The following OPCML variants were observed in gnomAD, a reference collection of about 807,000 sequenced individuals.
OPCML encodes opioid-binding protein/cell adhesion molecule.
OPCML carries 13 observed loss-of-function variants against 37.8 expected under a neutral mutation model. The observed-to-expected ratio is 0.34, with a 90% CI of 0.22 to 0.55. The LOEUF (loss-of-function observed/expected upper bound fraction) is 0.55. OPCML is among the 20% of genes least tolerant of loss of function. OPCML has a pLI of 0.91. For missense variants in OPCML, 341 were observed against 435.6 expected (o/e 0.78, Z 1.93); for synonymous variants, 176 against 168.8 (o/e 1.04, Z -0.33).
intron 1 of OPCML, among the ~76,000 whole-genome samples, chr11:133,078,816 T>C (rs572967761): frequency 7.2e-5 from 11 of 152,278 alleles, no homozygotes; most frequent in African/African-American, 2.6e-4. Context: ...ACTTAAGACG[T>C]AAACCCAGAA....
At chr11:132,803,838 C>T (rs76397896) in intron 2 of OPCML, among the ~76,000 whole-genome samples, 2,427 of 152,234 alleles carry the variant, frequency 0.016, 28 homozygotes, top group Middle Eastern at 0.031. Flanking sequence ...AATTAGAGTG[C>T]TGTTGTAAGA....
At chr11:133,378,945 G>A (rs190610143) in intron 1 of OPCML, among the ~76,000 whole-genome samples, 10 of 151,868 alleles carry the variant, frequency 6.6e-5, no homozygotes, top group East Asian at 1.9e-4. Context: ...TTGTAGAGAC[G>A]GGGTTCTCAC....
intron 3 of OPCML, among the ~76,000 whole-genome samples, chr11:132,542,032 C>T (rs1419420086): frequency 6.6e-6 from 1 of 152,192 alleles, no homozygotes; most frequent in Non-Finnish European, 1.5e-5. Flanking sequence ...TCATTCTCTG[C>T]TTTAATTCCT....
intron 2 of OPCML, among the ~76,000 whole-genome samples, chr11:132,705,438 A>T (rs1943994850): frequency 6.6e-6 from 1 of 151,814 alleles, no homozygotes. Flanking sequence ...AAAAAAAATA[A>T]CAAATTCAGC....
chr11:133,496,356 T>C lies in OPCML; in HGVS notation c.61+35908A>G, dbSNP rs1296027188. Among the ~76,000 whole-genome samples, 5 of 152,358 alleles carry C rather than the reference T, an allele frequency of 3.3e-5. No homozygotes were observed. The East Asian group carries it at 5.8e-4, about 18-fold the overall frequency. On this transcript the variant is annotated intron_variant, in intron 1 of 7. Transcript: ENST00000524381. ...TGTGACGCCTCCAGATTTGTCCTTC[T>C]TGCTTAATCTTGCTTTGGCTATGCA...
chr11:133,258,269 G>A (rs571559040), intron 1 of OPCML, among the ~76,000 whole-genome samples: 1 of 152,158 alleles, frequency 6.6e-6, no homozygotes, highest in Non-Finnish European at 1.5e-5. Context: ...AGTATAGAGT[G>A]GCAAAGATCT....
intron 1 of OPCML, among the ~76,000 whole-genome samples, chr11:133,106,845 C>T (rs1013376934): frequency 6.6e-6 from 1 of 152,202 alleles, no homozygotes; most frequent in African/African-American, 2.4e-5. Flanking sequence ...TCATTCCCCT[C>T]GCCTTGTACC....
chr11:133,103,816 G>A (rs1949119988), intron 1 of OPCML, among the ~76,000 whole-genome samples: 1 of 152,164 alleles, frequency 6.6e-6, no homozygotes, highest in African/African-American at 2.4e-5. Flanking sequence ...TTCAATCGAG[G>A]TAGTTGGGAA....
At chr11:133,514,091 G>A (rs1236098262) in intron 1 of OPCML, among the ~76,000 whole-genome samples, 1 of 152,140 alleles carries the variant, frequency 6.6e-6, no homozygotes, top group African/African-American at 2.4e-5. Flanking sequence ...GTCACGAAAC[G>A]AAAACAAAGA....
chr11:133,114,749 G>A lies in OPCML; in HGVS notation c.62-171739C>T, dbSNP rs577573217. On this transcript the variant is annotated intron_variant, in intron 1 of 7. Transcript: ENST00000524381. Reference sequence around the variant, plus strand: ...TAGAATAGTACTTGGAATTGAGTGGGTGCTAAATAATTATTTGTTGGATGA... The same window carrying A: ...TAGAATAGTACTTGGAATTGAGTGGATGCTAAATAATTATTTGTTGGATGA... Among the ~76,000 whole-genome samples, 5 of 152,248 alleles carry A rather than the reference G, an allele frequency of 3.3e-5. No individual in the cohort carries two copies. In the South Asian group the frequency reaches 1.0e-3, roughly 32 times the overall value.
At chr11:133,440,794 G>A (rs1946349908) in intron 1 of OPCML, among the ~76,000 whole-genome samples, 1 of 119,436 alleles carries the variant, frequency 8.4e-6, no homozygotes, top group Non-Finnish European at 1.5e-5. Context: ...GTGTGTGTGT[G>A]TGTGTGTGAG....
chr11:133,416,286 A>G (rs1945763406), intron 1 of OPCML, among the ~76,000 whole-genome samples: 1 of 152,208 alleles, frequency 6.6e-6, no homozygotes, highest in Non-Finnish European at 1.5e-5. Flanking sequence ...TGTTCTGATC[A>G]TAATCCTCCC....
At chr11:133,501,287 A>AC (rs141566894) in intron 1 of OPCML, among the ~76,000 whole-genome samples, 4,224 of 151,752 alleles carry the variant, frequency 0.028, 87 homozygotes, top group Non-Finnish European at 0.04. Flanking sequence ...CTTCCTAGGG[A>AC]CCCCCCCACG....
intron 2 of OPCML, among the ~76,000 whole-genome samples, chr11:132,732,606 G>A (rs1945115779): frequency 6.6e-6 from 1 of 152,092 alleles, no homozygotes; most frequent in Admixed American, 6.6e-5. Context: ...AGAACAGTGA[G>A]GAAAAAAGCT....
At chr11:133,446,140 C>T (rs1004872019) in intron 1 of OPCML, among the ~76,000 whole-genome samples, 4 of 152,128 alleles carry the variant, frequency 2.6e-5, no homozygotes, top group East Asian at 3.9e-4. Context: ...CCAGGAAGCT[C>T]AGACAATGTC....
At chr11:133,119,130 T>A (rs1949382491) in intron 1 of OPCML, among the ~76,000 whole-genome samples, 1 of 152,094 alleles carries the variant, frequency 6.6e-6, no homozygotes, top group Non-Finnish European at 1.5e-5. Context: ...ACAGCCATCG[T>A]GCCCCAGGCT....
In OPCML at chr11:133,120,458, C is replaced by CA. The variant is rs535846844; in HGVS notation, c.62-177449dup. On this transcript the variant is annotated intron_variant, in intron 1 of 7. Transcript: ENST00000524381. ...GCTAAGCTTTCCCGAGCACTTACCC[C>CA]ATGCCAGACACAGCTTCAAGCATTT... 8.2e-4 allele frequency among the ~76,000 whole-genome samples: 125 copies of CA among 152,292 alleles called. 1 individual carries two copies. The highest frequency in any genetic ancestry group is 4.5e-3 in the Admixed American group (69 of 15,298).
intron 1 of OPCML, among the ~76,000 whole-genome samples, chr11:133,049,101 C>T (rs928274390): frequency 6.6e-6 from 1 of 152,156 alleles, no homozygotes; most frequent in African/African-American, 2.4e-5. Context: ...TATCCCTGCC[C>T]CTGTGGGGTT....
intron 2 of OPCML, among the ~76,000 whole-genome samples, chr11:132,857,373 G>GA (rs764907758): frequency 6.6e-6 from 1 of 152,072 alleles, no homozygotes; most frequent in African/African-American, 2.4e-5. Flanking sequence ...AGATAGTAAA[G>GA]AAAAAACTAG....
Sources: allele counts gnomAD v4.1 joint callset (sites outside exome capture counted in the v4.1 genomes callset), GRCh38; gene constraint gnomAD v4.1.1; transcripts MANE v1.5; gene names NCBI Gene and HGNC (gene_info 2026-07-23, HGNC 2026-07-21).